GSTCD: variants seen among roughly 807,000 people sequenced by gnomAD.
The protein encoded by GSTCD is glutathione S-transferase C-terminal domain-containing protein.
Under a neutral mutation model 68.3 loss-of-function variants are expected in GSTCD, and 44 were observed. The ratio of observed to expected loss-of-function variants is 0.64; its 90% CI spans 0.51 to 0.83. GSTCD has a LOEUF of 0.83. GSTCD is among the 40% of genes least tolerant of loss of function. GSTCD has a pLI of 0.00. For missense variants in GSTCD, 739 were observed against 735.9 expected (o/e 1.00, Z -0.05); for synonymous variants, 273 against 255.2 (o/e 1.07, Z -0.67).
At chr4:105,770,411 T>C (rs905636607) in intron 5 of GSTCD, among the ~76,000 whole-genome samples, 3 of 151,940 alleles carry the variant, frequency 2.0e-5, no homozygotes, top group East Asian at 1.9e-4. Context: ...CTGGGATACA[T>C]GTGCAGAACA....
chr4:105,832,348 A>C lies in GSTCD; in HGVS notation c.1531-2113A>C, dbSNP rs535209003. On this transcript the variant is annotated intron_variant, in intron 8 of 11. Transcript: ENST00000515279. Reference sequence around the variant, plus strand: ...AACTAGGAGCATGTGATGCAGTAAAACCTTTTCGACCAAAAACCTATTATT... The same window carrying C: ...AACTAGGAGCATGTGATGCAGTAAACCCTTTTCGACCAAAAACCTATTATT... Among the ~76,000 whole-genome samples, 3 of 152,192 alleles carry C rather than the reference A, an allele frequency of 2.0e-5. No individual in the cohort carries two copies. The South Asian group carries it at 6.2e-4, about 32-fold the overall frequency.
intron 5 of GSTCD, among the ~76,000 whole-genome samples, chr4:105,729,726 G>A (rs1188087223): frequency 3.3e-5 from 5 of 151,524 alleles, no homozygotes; most frequent in African/African-American, 1.2e-4. Context: ...TTTTTTCTTT[G>A]CTGACATATT....
intron 5 of GSTCD, among the ~76,000 whole-genome samples, chr4:105,795,816 A>G (rs1467590621): frequency 6.6e-6 from 1 of 152,104 alleles, no homozygotes; most frequent in African/African-American, 2.4e-5. Context: ...CAAAATGTGT[A>G]TTTTAGCTTC....
intron 1 of GSTCD, among the ~76,000 whole-genome samples, chr4:105,717,180 A>G (rs983601149): frequency 2.6e-5 from 4 of 152,194 alleles, no homozygotes; most frequent in African/African-American, 7.2e-5. Context: ...GTAGGGTCGT[A>G]AAAAAGAAGC....
chr4:105,780,303 C>G (rs1735228952), intron 5 of GSTCD, among the ~76,000 whole-genome samples: 1 of 152,210 alleles, frequency 6.6e-6, no homozygotes, highest in Non-Finnish European at 1.5e-5. Flanking sequence ...GAAGCGCTGT[C>G]TCACAATATT....
chr4:105,749,917 T>C (rs1733948683), intron 5 of GSTCD, among the ~76,000 whole-genome samples: 1 of 152,106 alleles, frequency 6.6e-6, no homozygotes, highest in African/African-American at 2.4e-5. Context: ...ACCACAAATA[T>C]TCACAAATTT....
intron 5 of GSTCD, among the ~76,000 whole-genome samples, chr4:105,748,420 C>T (rs1733886499): frequency 6.6e-6 from 1 of 152,020 alleles, no homozygotes; most frequent in African/African-American, 2.4e-5. Flanking sequence ...AAAACCTGCC[C>T]ATATTTGACT....
chr4:105,781,160 T>C (rs1456243016), intron 5 of GSTCD, among the ~76,000 whole-genome samples: 1 of 152,256 alleles, frequency 6.6e-6, no homozygotes, highest in Non-Finnish European at 1.5e-5. Flanking sequence ...TGTTGAGGCA[T>C]AAACAGTGGA....
intron 5 of GSTCD, among the ~76,000 whole-genome samples, chr4:105,777,545 T>A (rs1286575549): frequency 6.6e-6 from 1 of 152,216 alleles, no homozygotes; most frequent in Non-Finnish European, 1.5e-5. Flanking sequence ...GAACATTACT[T>A]TTTAACCTTG....
At chr4:105,730,442 G>C (rs1733195819) in intron 5 of GSTCD, among the ~76,000 whole-genome samples, 2 of 152,164 alleles carry the variant, frequency 1.3e-5, no homozygotes, top group Non-Finnish European at 2.9e-5. Flanking sequence ...ATTCTAACTG[G>C]TGTGAGATGG....
intron 5 of GSTCD, among the ~76,000 whole-genome samples, chr4:105,735,128 A>C (rs189253710): frequency 6.6e-6 from 1 of 152,334 alleles, no homozygotes; most frequent in East Asian, 1.9e-4. Flanking sequence ...TCGGGGGGTC[A>C]GGGACCCACT....
intron 5 of GSTCD, among the ~76,000 whole-genome samples, chr4:105,787,936 T>A (rs1735526814): frequency 6.6e-6 from 1 of 152,112 alleles, no homozygotes. Flanking sequence ...ATACATTTAC[T>A]GACTACAAAA....
chr4:105,739,101 T>G (rs772884263), intron 5 of GSTCD, among the ~76,000 whole-genome samples: 4 of 152,218 alleles, frequency 2.6e-5, no homozygotes, highest in Non-Finnish European at 5.9e-5. Flanking sequence ...ATCACATAAG[T>G]TTTGTCCCTC....
chr4:105,816,084 A>G (rs2149270007), intron 5 of GSTCD, among the ~76,000 whole-genome samples: 1 of 152,270 alleles, frequency 6.6e-6, no homozygotes, highest in South Asian at 2.1e-4. Flanking sequence ...AAGCTCTTCT[A>G]TAAACAAAGC....
chr4:105,754,127 A>G (rs967093723), intron 5 of GSTCD, among the ~76,000 whole-genome samples: 3 of 152,150 alleles, frequency 2.0e-5, no homozygotes, highest in Non-Finnish European at 4.4e-5. Context: ...CAGCTCAACT[A>G]TACAAGGAAC....
At chr4:105,741,658 A>G (rs778961649) in intron 5 of GSTCD, among the ~76,000 whole-genome samples, 7 of 152,226 alleles carry the variant, frequency 4.6e-5, no homozygotes, top group Admixed American at 2.0e-4. Context: ...GAGATCTCAC[A>G]TTAAACATTC....
chr4:105,772,302 GCAAA>G (rs1475957628), intron 5 of GSTCD, among the ~76,000 whole-genome samples: 1 of 152,172 alleles, frequency 6.6e-6, no homozygotes, highest in East Asian at 1.9e-4. Context: ...CATGTCATCT[GCAAA>G]CAGAGATAAT....
In GSTCD at chr4:105,842,096, A is replaced by G. The variant is rs772646111; in HGVS notation, c.1727A>G (p.Gln576Arg). The change falls in exon 11 of 12, where the codon CAG (glutamine) becomes CGG (arginine). Residue 576 changes from glutamine (Q) to arginine (R), a missense_variant. Transcript: ENST00000515279. The part of the protein sequence containing the change: ...EHMILCRFAD[Q>R]TAVQLPPQRR... Reference sequence around the variant, plus strand: ...ATGATTCTGTGCAGATTTGCAGACCAGACAGCTGTCCAGCTCCCACCCCAA... The same window carrying G: ...ATGATTCTGTGCAGATTTGCAGACCGGACAGCTGTCCAGCTCCCACCCCAA... 6.2e-6 allele frequency: 10 copies of G among 1,614,004 alleles called. No homozygotes were observed. Among genetic ancestry groups the G allele is most frequent in the Non-Finnish European group, 7.6e-6 (9 of 1,179,968 alleles).
At chr4:105,733,251 TTCTC>T (rs1733321202) in intron 5 of GSTCD, among the ~76,000 whole-genome samples, 1 of 152,174 alleles carries the variant, frequency 6.6e-6, no homozygotes, top group Non-Finnish European at 1.5e-5. Context: ...CTTGTGAACT[TTCTC>T]TCTCGTTGAT....
Sources: allele counts gnomAD v4.1 joint callset (sites outside exome capture counted in the v4.1 genomes callset), GRCh38; gene constraint gnomAD v4.1.1; transcripts MANE v1.5; gene names NCBI Gene and HGNC (gene_info 2026-07-23, HGNC 2026-07-21).